Variants in LINGO2 observed in about 807,000 individuals in gnomAD.
LINGO2 encodes the protein leucine rich repeat and Ig domain containing 2.
In LINGO2, 14 loss-of-function variants were observed where a neutral mutation model predicts 30.6. That is an observed-to-expected ratio of 0.46 (90% CI 0.30 to 0.72). The LOEUF (loss-of-function observed/expected upper bound fraction) is 0.72. Ranked by LOEUF, LINGO2 falls within the 30% of genes least tolerant of loss-of-function variation. The pLI is 0.07. For synonymous variants in LINGO2, 317 were observed against 288.5 expected, an observed-to-expected ratio of 1.10 and a Z score of -1.00; for missense variants, 729 against 751.7, an observed-to-expected ratio of 0.97 and a Z score of 0.35.
At chr9:28,396,424 GC>G (rs1822042718) in intron 2 of LINGO2, among the ~76,000 whole-genome samples, 1 of 152,086 alleles carries the variant, frequency 6.6e-6, no homozygotes, top group African/African-American at 2.4e-5. Flanking sequence ...TCCTGATTAG[GC>G]CGGGCGCAGT....
chr9:28,430,691 C>T (rs1030325499), intron 2 of LINGO2, among the ~76,000 whole-genome samples: 10 of 152,062 alleles, frequency 6.6e-5, no homozygotes, highest in Admixed American at 4.6e-4. Context: ...ATTAGTTATG[C>T]CTTGCTGGGT....
At chr9:29,163,108 AT>A in the LINGO2 span, among the ~76,000 whole-genome samples, 13 of 152,170 alleles carry the variant, frequency 8.5e-5, no homozygotes, top group Non-Finnish European at 1.5e-4. Flanking sequence ...TAAAGTTTTA[AT>A]ATATCTTGAA....
intron 1 of LINGO2, among the ~76,000 whole-genome samples, chr9:28,552,693 C>T (rs982613352): frequency 1.6e-4 from 24 of 148,920 alleles, no homozygotes; most frequent in African/African-American, 4.7e-4. Flanking sequence ...TTTCTCCTTC[C>T]GGGATTTCTA....
intron 1 of LINGO2, among the ~76,000 whole-genome samples, chr9:28,548,075 G>A (rs1265582875): frequency 6.6e-6 from 1 of 152,100 alleles, no homozygotes; most frequent in African/African-American, 2.4e-5. Flanking sequence ...GCAGGAACCT[G>A]GAGAGCTCAC....
At chr9:28,652,115 C>A (rs576667796) in intron 1 of LINGO2, among the ~76,000 whole-genome samples, 2 of 151,942 alleles carry the variant, frequency 1.3e-5, no homozygotes, top group Non-Finnish European at 2.9e-5. Flanking sequence ...TGCCTTTTTT[C>A]TATTCTATAA....
At chr9:29,178,686 A>T in the LINGO2 span, among the ~76,000 whole-genome samples, 2 of 152,212 alleles carry the variant, frequency 1.3e-5, no homozygotes, top group East Asian at 3.9e-4. Flanking sequence ...CTCTGATGAC[A>T]AGTGAAGAGA....
intron 2 of LINGO2, among the ~76,000 whole-genome samples, chr9:28,408,225 G>C (rs994804963): frequency 2.0e-5 from 3 of 152,084 alleles, no homozygotes; most frequent in Admixed American, 2.0e-4. Context: ...CATGTGGAAA[G>C]CAAGAAAATG....
chr9:29,075,774 A>G, the LINGO2 span, among the ~76,000 whole-genome samples: 5 of 152,180 alleles, frequency 3.3e-5, no homozygotes, highest in South Asian at 4.1e-4. Context: ...AAAAAAGGGA[A>G]CAAAAAAGGC....
At chr9:27,942,192 C>T in the LINGO2 span, 1 of 152,250 alleles carries the variant, frequency 6.6e-6, no homozygotes, top group East Asian at 1.9e-4. Flanking sequence ...TCTTTTGATT[C>T]CTCTGTGAGT....
At chr9:28,565,501 A>AT (rs397893182) in intron 1 of LINGO2, among the ~76,000 whole-genome samples, 13,501 of 138,904 alleles carry the variant, frequency 0.097, 748 homozygotes, top group East Asian at 0.32. Context: ...AATTATTTTT[A>AT]TTTTTTTTTT....
intron 1 of LINGO2, among the ~76,000 whole-genome samples, chr9:28,589,087 A>G (rs1018500729): frequency 6.6e-6 from 1 of 152,176 alleles, no homozygotes; most frequent in African/African-American, 2.4e-5. Flanking sequence ...AAGGCCTTTG[A>G]GAAAATTCAA....
chr9:28,957,326 C>T, the LINGO2 span, among the ~76,000 whole-genome samples: 1 of 152,126 alleles, frequency 6.6e-6, no homozygotes, highest in African/African-American at 2.4e-5. Context: ...ATTCCCCATG[C>T]AATGCAATGC....
In LINGO2 at chr9:28,568,376, C is replaced by G. The variant is rs535488418; in HGVS notation, c.-364-92351G>C. Among the ~76,000 whole-genome samples, 3 of 152,096 alleles carry G rather than the reference C, an allele frequency of 2.0e-5. No individual in the cohort carries two copies. The South Asian group carries it at 6.2e-4, about 32-fold the overall frequency. On this transcript the variant is annotated intron_variant, in intron 1 of 5. Coordinates refer to ENST00000379992, the Ensembl canonical transcript of LINGO2. Reference sequence around the variant, plus strand: ...GATGAGAAAAAACAACTATTTGGTACTAGGCTTAGTACCTGGATGACAATC... The same window carrying G: ...GATGAGAAAAAACAACTATTTGGTAGTAGGCTTAGTACCTGGATGACAATC...
At chr9:28,883,628 G>GTGTGTATGTATATATATGTATATA in the LINGO2 span, among the ~76,000 whole-genome samples, 5 of 64,180 alleles carry the variant, frequency 7.8e-5, 2 homozygotes, top group East Asian at 1.5e-3. Context: ...ATGTGTGTGT[G>GTGTGTATGTATATATATGTATATA]TATATATATA....
At chr9:28,846,313 T>C in the LINGO2 span, among the ~76,000 whole-genome samples, 1 of 151,664 alleles carries the variant, frequency 6.6e-6, no homozygotes, top group Non-Finnish European at 1.5e-5. Flanking sequence ...TTCTGCCCTG[T>C]TCGAGCCCAT....
chr9:28,896,625 T>C, the LINGO2 span, among the ~76,000 whole-genome samples: 1 of 152,192 alleles, frequency 6.6e-6, no homozygotes, highest in East Asian at 1.9e-4. Context: ...AAAATGTATA[T>C]AAAACCTTTG....
rs148135037 is a variant in LINGO2 at position 28,323,703 on chromosome 9, A to C, written c.-245-28337T>G. ...AGCATCAAAGCAAACATAAGTTCGGAGAACAATGGCAGGATAATGGGCACC... is the reference window on the plus strand; with the variant it reads ...AGCATCAAAGCAAACATAAGTTCGGCGAACAATGGCAGGATAATGGGCACC... On this transcript the variant is annotated intron_variant, in intron 3 of 5. Transcript: ENST00000379992. Among the ~76,000 whole-genome samples the C allele has an allele frequency of 4.9e-4, 74 of 152,302 alleles. No individual in the cohort carries two copies. In the East Asian group the frequency reaches 0.014, roughly 29 times the overall value.
intron 1 of LINGO2, among the ~76,000 whole-genome samples, chr9:28,574,709 A>T (rs548182870): frequency 2.0e-5 from 3 of 152,196 alleles, no homozygotes; most frequent in Non-Finnish European, 4.4e-5. Context: ...GGAAATGGTA[A>T]CACAAATTCT....
intron 3 of LINGO2, among the ~76,000 whole-genome samples, chr9:28,347,046 G>A (rs1193047853): frequency 2.0e-5 from 3 of 151,966 alleles, no homozygotes; most frequent in Non-Finnish European, 4.4e-5. Flanking sequence ...GATCCCATTT[G>A]TCAATTTTTG....
Sources: gnomAD v4.1 joint callset for allele counts (sites outside exome capture counted in the v4.1 genomes callset) on GRCh38, gnomAD v4.1.1 for gene constraint, MANE v1.5 for transcripts, NCBI Gene and HGNC (gene_info 2026-07-23, HGNC 2026-07-21) for gene names.